The following EIF3H variants were observed in gnomAD, a reference collection of about 807,000 sequenced individuals.
The protein encoded by EIF3H is eukaryotic translation initiation factor 3 subunit H.
A neutral mutation model predicts 44.2 loss-of-function variants in EIF3H; 26 were observed. That is an observed-to-expected ratio of 0.59 (90% confidence interval 0.43 to 0.82). The LOEUF is 0.82. Ranked by LOEUF, EIF3H falls within the 40% of genes least tolerant of loss-of-function variation. The pLI, the probability that EIF3H is intolerant of heterozygous loss-of-function variation, is 0.00. For missense variants in EIF3H, 359 were observed against 432.8 expected (o/e 0.83, Z 1.51); for synonymous variants, 166 against 151.9 (o/e 1.09, Z -0.68).
rs1286762894 is a variant in EIF3H, at chr8:116,678,117, G to A, written c.290-19137C>T. Among the ~76,000 whole-genome samples the A allele has an allele frequency of 2.0e-5, 3 of 150,624 alleles. 1 individual carries two copies. The highest frequency in any genetic ancestry group is 6.9e-3 in the Middle Eastern group (2 of 288). ...TGATTCTCCTGCCTCAGCCTGCCGAGTGCCTGCGATTGCAGGCGCGCGCCG... is the reference window on the plus strand; with the variant it reads ...TGATTCTCCTGCCTCAGCCTGCCGAATGCCTGCGATTGCAGGCGCGCGCCG... On this transcript the variant is annotated intron_variant, in intron 2 of 7. Transcript: ENST00000521861.
At chr8:116,739,575 G>C (rs1220110103) in intron 1 of EIF3H, among the ~76,000 whole-genome samples, 2 of 152,242 alleles carry the variant, frequency 1.3e-5, no homozygotes. Context: ...GTGTGAACCT[G>C]GGAGGCGGAG....
chr8:116,743,203 G>A (rs1242099126), intron 1 of EIF3H, among the ~76,000 whole-genome samples: 4 of 152,098 alleles, frequency 2.6e-5, no homozygotes, highest in Non-Finnish European at 2.9e-5. Flanking sequence ...TAATACTAGC[G>A]CTTTGGGAGG....
At chr8:116,718,855 C>G (rs933677670) in intron 2 of EIF3H, among the ~76,000 whole-genome samples, 2 of 150,988 alleles carry the variant, frequency 1.3e-5, no homozygotes, top group Non-Finnish European at 3.0e-5. Context: ...CAAACACCAC[C>G]TGTTCCCCAA....
intron 2 of EIF3H, among the ~76,000 whole-genome samples, chr8:116,725,697 A>G (rs1406648203): frequency 6.6e-6 from 1 of 152,220 alleles, no homozygotes; most frequent in Non-Finnish European, 1.5e-5. Flanking sequence ...ACAGACACAT[A>G]AGGATGATCT....
At chr8:116,706,528 T>C (rs1189505175) in intron 2 of EIF3H, among the ~76,000 whole-genome samples, 1 of 152,040 alleles carries the variant, frequency 6.6e-6, no homozygotes, top group Non-Finnish European at 1.5e-5. Flanking sequence ...ACTTTATTTA[T>C]TTATTTATTT....
rs1427469578 is a variant in EIF3H, at chr8:116,646,678, C to A, written c.829-75G>T. Reference sequence around the variant, plus strand: ...GAAAAAAAGATGTCCTTCCCCTACACAACCAGCAGAACCCCACTGCTCTGA... The same window carrying A: ...GAAAAAAAGATGTCCTTCCCCTACAAAACCAGCAGAACCCCACTGCTCTGA... On this transcript the variant is annotated intron_variant, in intron 6 of 7. Transcript: ENST00000521861. 4 of 1,573,266 alleles carry A rather than the reference C, an allele frequency of 2.5e-6. No individual in the cohort carries two copies. In the African/African-American group the frequency reaches 4.1e-5, roughly 16 times the overall value.
intron 2 of EIF3H, among the ~76,000 whole-genome samples, chr8:116,701,366 T>C (rs191195236): frequency 2.0e-4 from 30 of 152,334 alleles, no homozygotes; most frequent in Admixed American, 9.8e-4. Flanking sequence ...TATAGTGTGA[T>C]AGTCCCCATA....
chr8:116,679,097 CTCCCCGTCCGGG>C (rs1294311326), intron 2 of EIF3H, among the ~76,000 whole-genome samples: 2 of 60,466 alleles, frequency 3.3e-5, no homozygotes, highest in African/African-American at 4.9e-5. Flanking sequence ...CCCGGCCAGC[CTCCCCGTCCGGG>C]AGGGGGGAGG....
chr8:116,684,544 ACTG>A (rs1453237952), intron 2 of EIF3H, among the ~76,000 whole-genome samples: 3 of 151,934 alleles, frequency 2.0e-5, no homozygotes, highest in African/African-American at 7.3e-5. Flanking sequence ...CTTAACTACT[ACTG>A]CTATTTTTTT....
chr8:116,680,589 G>A (rs1406414695), intron 2 of EIF3H, among the ~76,000 whole-genome samples: 1 of 107,986 alleles, frequency 9.3e-6, no homozygotes, highest in South Asian at 3.6e-4. Context: ...GATTAAGGGC[G>A]GTGCAAGATG....
intron 2 of EIF3H, among the ~76,000 whole-genome samples, chr8:116,670,558 A>G (rs959701293): frequency 1.3e-5 from 2 of 152,220 alleles, no homozygotes; most frequent in Non-Finnish European, 2.9e-5. Context: ...GATCCAGACT[A>G]TTACTTTCCA....
rs1563663197 is a variant in EIF3H at position 116,752,779 on chromosome 8, G to GGAA, written c.132+2886_132+2887insTTC. ...AGGGAGGGAGGGAGGGAGGGAGGGA[G>GGAA]GGAGGGAGGGAGGGAGGGAAGGAAG... is the stretch of plus-strand genomic sequence containing the variant. On this transcript the variant is annotated intron_variant, in intron 1 of 7. Coordinates refer to ENST00000521861, the MANE Select transcript of EIF3H (RefSeq NM_003756.3). Among the ~76,000 whole-genome samples the GGAA allele has an allele frequency of 1.6e-3, 84 of 53,556 alleles. 1 individual carries two copies. Among genetic ancestry groups the GGAA allele is most frequent in the African/African-American group, 4.6e-3 (68 of 14,706 alleles). 35.1% of individuals were successfully genotyped at this position (53,556 alleles called of 152,430 possible). A position where few individuals can be genotyped will look rare whatever the true frequency, so the allele number is the denominator to read the frequency against.
chr8:116,684,881 T>C (rs1814048027), intron 2 of EIF3H, among the ~76,000 whole-genome samples: 1 of 152,186 alleles, frequency 6.6e-6, no homozygotes, highest in South Asian at 2.1e-4. Flanking sequence ...AAGAAACTCA[T>C]ATCTGCTTCA....
chr8:116,645,211 T>G (rs528353101), intron 7 of EIF3H, 108 bp from the exon 8 acceptor site: 1 of 800,392 alleles, frequency 1.2e-6, no homozygotes, highest in African/African-American at 1.7e-5. Flanking sequence ...ACCTGTTTAT[T>G]GTTTTGAATC....
intron 2 of EIF3H, among the ~76,000 whole-genome samples, chr8:116,668,728 T>C (rs558035652): frequency 1.3e-5 from 2 of 150,982 alleles, no homozygotes; most frequent in South Asian, 4.2e-4. Flanking sequence ...GTGGGGGTCG[T>C]AGGGGCTGGG....
chr8:116,722,619 A>C (rs1814769216), intron 2 of EIF3H, among the ~76,000 whole-genome samples: 1 of 152,244 alleles, frequency 6.6e-6, no homozygotes. Context: ...TCACACAAAT[A>C]GCAGCATGTA....
At chr8:116,706,200 G>A (rs935412673) in intron 2 of EIF3H, among the ~76,000 whole-genome samples, 2 of 152,174 alleles carry the variant, frequency 1.3e-5, no homozygotes, top group African/African-American at 4.8e-5. Context: ...CCTTTTAGTA[G>A]TCTCTTACAG....
intron 2 of EIF3H, among the ~76,000 whole-genome samples, chr8:116,719,526 T>C (rs910738943): frequency 2.6e-5 from 4 of 152,060 alleles, no homozygotes; most frequent in South Asian, 2.1e-4. Context: ...AAAGGCCAGA[T>C]AGAGGACAGC....
chr8:116,737,226 G>C (rs1275493350), intron 1 of EIF3H: 6 of 442,834 alleles, frequency 1.4e-5, no homozygotes, highest in Admixed American at 5.1e-5. Flanking sequence ...CATTTGAAAA[G>C]ATCTACGAAC....
Sources: gnomAD v4.1 joint callset for allele counts (sites outside exome capture counted in the v4.1 genomes callset) on GRCh38, gnomAD v4.1.1 for gene constraint, MANE v1.5 for transcripts, NCBI Gene and HGNC (gene_info 2026-07-23, HGNC 2026-07-21) for gene names.